Variants in KDM5D observed in about 807,000 individuals in gnomAD.
KDM5D encodes lysine-specific demethylase 5D.
A neutral mutation model predicts 31.9 loss-of-function variants in KDM5D; 25 were observed. That is an observed-to-expected ratio of 0.78 (90% CI 0.57 to 1.09). The LOEUF is 1.09. Among genes scored for constraint, KDM5D ranks in the 50% least tolerant of loss-of-function variants. The probability of loss-of-function intolerance (pLI) is 0.00; values close to 1 mark genes in which losing one functional copy is unlikely to be tolerated. For synonymous variants in KDM5D, 146 were observed against 122.3 expected (o/e 1.19, Z -1.28); for missense variants, 366 against 341.6 (o/e 1.07, Z -0.56).
chrY:19,718,898 C>T (rs2045368213), intron 13 of KDM5D, among the ~76,000 whole-genome samples: 3 of 33,694 alleles, frequency 8.9e-5, no homozygotes, highest in African/African-American at 3.5e-4. Context: ...TGGCCGGGCG[C>T]GGTGGCTCAC....
intron 1 of KDM5D, 29 bp downstream of exon 1, chrY:19,744,642 A>G (rs2045586192): frequency 1.1e-5 from 2 of 183,341 alleles, no homozygotes; most frequent in African/African-American, 1.7e-4. Context: ...TGAGAATTTC[A>G]AGGTTACTTT....
At chrY:19,728,391 C>T in intron 11 of KDM5D, among the ~76,000 whole-genome samples, 2 of 33,074 alleles carry the variant, frequency 6.0e-5, no homozygotes, top group Non-Finnish European at 1.5e-4. Context: ...CAGAGATTCA[C>T]GCTGTCACCC....
chrY:19,718,671 G>A, intron 13 of KDM5D, among the ~76,000 whole-genome samples: 2 of 33,740 alleles, frequency 5.9e-5, no homozygotes, highest in Admixed American at 5.3e-4. Flanking sequence ...AAGATGGTTC[G>A]TTTTGTGTTA....
intron 13 of KDM5D, among the ~76,000 whole-genome samples, chrY:19,720,397 A>T: frequency 3.0e-5 from 1 of 33,465 alleles, no homozygotes; most frequent in African/African-American, 1.2e-4. Context: ...AGCTTACAGA[A>T]TTTCAAAGGA....
chrY:19,718,702 C>T, intron 13 of KDM5D, among the ~76,000 whole-genome samples: 4 of 33,844 alleles, frequency 1.2e-4, no homozygotes, highest in African/African-American at 4.6e-4. Flanking sequence ...ACCTTTAAAA[C>T]ATATCCCCCA....
chrY:19,741,696 G>A (rs752893280), intron 4 of KDM5D, 39 bp downstream of exon 4: 129 of 375,063 alleles, frequency 3.4e-4, no homozygotes, highest in Non-Finnish European at 7.5e-6. Context: ...CTTGAGGCAA[G>A]GCTTTTTGTT....
intron 18 of KDM5D, among the ~76,000 whole-genome samples, chrY:19,714,311 G>C (rs2045319384): frequency 3.0e-5 from 1 of 33,407 alleles, no homozygotes; most frequent in African/African-American, 1.2e-4. Flanking sequence ...CTGAAAAAAA[G>C]TTTTAAAAAT....
chrY:19,723,255 C>T, intron 11 of KDM5D: 1 of 35,386 alleles, frequency 2.8e-5, no homozygotes, highest in East Asian at 7.7e-4. Context: ...GAGTAACTGG[C>T]TACCGACATG....
At chrY:19,728,741 G>A (rs2045452062) in intron 11 of KDM5D, among the ~76,000 whole-genome samples, 1 of 33,242 alleles carries the variant, frequency 3.0e-5, no homozygotes, top group Admixed American at 2.8e-4. Flanking sequence ...AAAAAATCAT[G>A]TGTGGATAAA....
chrY:19,734,406 AAAG>A (rs2045494057), intron 8 of KDM5D, among the ~76,000 whole-genome samples: 2 of 34,104 alleles, frequency 5.9e-5, no homozygotes, highest in Non-Finnish European at 1.5e-4. Context: ...TGAACCACTA[AAAG>A]AAGAAGCCAA....
intron 21 of KDM5D, among the ~76,000 whole-genome samples, 166 bp downstream of exon 21, chrY:19,708,709 T>C: frequency 2.9e-5 from 1 of 33,915 alleles, no homozygotes; most frequent in Middle Eastern, 0.013. Context: ...TATTCATGCT[T>C]CTCTTCCCTT....
intron 1 of KDM5D, 22 bp downstream of exon 1, chrY:19,744,649 C>T: frequency 5.8e-6 from 1 of 171,921 alleles, no homozygotes; most frequent in East Asian, 1.1e-4. Context: ...TTCAAGGTTA[C>T]TTTAATCCCG....
chrY:19,736,206 C>T, intron 6 of KDM5D, among the ~76,000 whole-genome samples: 1 of 33,386 alleles, frequency 3.0e-5, no homozygotes, highest in Non-Finnish European at 7.4e-5. Flanking sequence ...AAAATGGAAA[C>T]TCATTAAGTA....
chrY:19,735,477 T>A lies in KDM5D; in HGVS notation c.808A>T (p.Thr270Ser), dbSNP rs3212285. The change falls in exon 8 of 27, where the codon ACG becomes TCG. Residue 270 changes from threonine to serine, a missense_variant. Coordinates refer to ENST00000317961, the MANE Select transcript of KDM5D (RefSeq NM_004653.5). The part of the protein sequence containing the change: ...HKKVTCPPTV[T>S]VKDEQSGGGN... The stretch of plus-strand genomic sequence containing the variant: ...CCTCCACTTTGCTCATCCTTCACCG[T>A]AACAGTTGGGGGGCATGTGACTAGG... 1.2e-4 allele frequency: 47 copies of A among 396,564 alleles called. No individual in the cohort carries two copies. The East Asian group carries it at 4.2e-3, about 35-fold the overall frequency.
intron 13 of KDM5D, 124 bp from the exon 14 acceptor site, chrY:19,716,839 C>T: frequency 5.5e-6 from 1 of 180,567 alleles, no homozygotes; most frequent in African/African-American, 8.5e-5. Context: ...TCTTCAAGTA[C>T]GTGTCCTAAA....
In KDM5D at chrY:19,715,758, G is replaced by A. The variant is rs1383527667; in HGVS notation, c.2214-19C>T. On this transcript the variant is annotated intron_variant, in intron 16 of 26. Transcript: ENST00000317961. ...CCGATACCTAGAGGAAGAAAGCCGG[G>A]AAGGGTACACATCTGGCCCAGCTCT... The A allele has an allele frequency of 3.0e-5, 12 of 398,462 alleles. No homozygotes were observed. The highest frequency in any genetic ancestry group is 4.2e-5 in the Non-Finnish European group (12 of 283,389).
intron 6 of KDM5D, among the ~76,000 whole-genome samples, chrY:19,737,420 A>C: frequency 6.0e-5 from 2 of 33,484 alleles, no homozygotes; most frequent in East Asian, 1.6e-3. Flanking sequence ...CTTTTGATTT[A>C]TTATTCATCA....
chrY:19,710,372 T>C lies in KDM5D; in HGVS notation c.2583+4A>G. ...GAATTCCACCTTTCCAGGCCCCTCC[T>C]TACCTTGACATCCCCAATCTGATGC... On this transcript the variant is annotated splice_donor_region_variant and intron_variant, in intron 19 of 26. Coordinates refer to ENST00000317961, the MANE Select transcript of KDM5D (RefSeq NM_004653.5). 1 of 384,078 alleles carries C rather than the reference T, an allele frequency of 2.6e-6. No individual in the cohort carries two copies. Among genetic ancestry groups the C allele is most frequent in the Non-Finnish European group, 3.6e-6 (1 of 274,424 alleles).
At chrY:19,719,628 C>T in intron 13 of KDM5D, among the ~76,000 whole-genome samples, 1 of 33,205 alleles carries the variant, frequency 3.0e-5, no homozygotes, top group Non-Finnish European at 7.4e-5. Context: ...AAAGGCAGAA[C>T]AGTTGAAGCA....
Sources: gnomAD v4.1 joint callset for allele counts (sites outside exome capture counted in the v4.1 genomes callset) on GRCh38, gnomAD v4.1.1 for gene constraint, MANE v1.5 for transcripts, NCBI Gene and HGNC (gene_info 2026-07-23, HGNC 2026-07-21) for gene names.